Variants in WDR12 observed in about 807,000 individuals in gnomAD.
The protein encoded by WDR12 is WD repeat domain 12, also known as ribosome biogenesis protein WDR12.
A neutral mutation model predicts 64.3 loss-of-function variants in WDR12; 42 were observed. The ratio of observed to expected loss-of-function variants is 0.65; its 90% CI spans 0.51 to 0.84. The LOEUF is 0.84. Ranked by LOEUF, WDR12 falls within the 40% of genes least tolerant of loss-of-function variation. The pLI is 0.00. For missense variants in WDR12, 469 were observed against 494.6 expected (o/e 0.95, Z 0.49); for synonymous variants, 158 against 173.3 (o/e 0.91, Z 0.70).
intron 8 of WDR12, among the ~76,000 whole-genome samples, chr2:202,889,763 A>G (rs1003276162): frequency 8.6e-5 from 13 of 151,784 alleles, no homozygotes; most frequent in Admixed American, 2.0e-4. Flanking sequence ...AAAAAAAAAA[A>G]AATTAGCCAG....
chr2:202,897,390 T>C lies in WDR12; in HGVS notation c.364A>G (p.Thr122Ala). 1.3e-6 allele frequency: 2 copies of C among 1,587,162 alleles called. No homozygotes were observed. The highest frequency in any genetic ancestry group is 1.7e-6 in the Non-Finnish European group (2 of 1,169,514). ...EWILTGSYDKTSRIWSLEGKS... is the reference protein window; with the variant it reads ...EWILTGSYDKASRIWSLEGKS... ...CCTTCCAAGGACCAGATCCGAGAAG[T>C]CTTATCATAAGAACCAGTCAAGATC... Residue 122 changes from threonine to alanine, a missense_variant, in exon 5 of 13, where the codon ACT becomes GCT. Coordinates refer to ENST00000261015, the MANE Select transcript of WDR12 (RefSeq NM_018256.4).
intron 1 of WDR12, among the ~76,000 whole-genome samples, chr2:202,909,782 ATTAT>A (rs368055241): frequency 3.4e-4 from 51 of 150,884 alleles, no homozygotes; most frequent in South Asian, 1.3e-3. Flanking sequence ...CAAGAATTTT[ATTAT>A]TTATTTATTT....
At chr2:202,900,908 T>TA in intron 3 of WDR12, 117 bp downstream of exon 3, 1 of 723,364 alleles carries the variant, frequency 1.4e-6, no homozygotes. Context: ...ATATAGCCAA[T>TA]ATATTAAAAA....
In WDR12 at chr2:202,905,880, T is replaced by A. The variant is rs180725713; in HGVS notation, c.136+1985A>T. Among the ~76,000 whole-genome samples the A allele has an allele frequency of 9.2e-5, 14 of 152,174 alleles. No homozygotes were observed. The South Asian group carries it at 2.9e-3, about 32-fold the overall frequency. On this transcript the variant is annotated intron_variant, in intron 2 of 12. Transcript: ENST00000261015. ...AGTTACCAGACACTGAGAAGGGTAG[T>A]GGGGGAAGTGAGAGGCAAGTGGAAA...
intron 1 of WDR12, among the ~76,000 whole-genome samples, chr2:202,910,902 C>T (rs1688594684): frequency 6.6e-6 from 1 of 152,080 alleles, no homozygotes; most frequent in Admixed American, 6.6e-5. Flanking sequence ...GTTGACTCAG[C>T]CAATCCAAGA....
rs535620509 is a variant in WDR12, at chr2:202,889,744, A to G, written c.741+2873T>C. 1.6e-3 allele frequency among the ~76,000 whole-genome samples: 248 copies of G among 150,934 alleles called. 3 individuals are homozygous for G. Among genetic ancestry groups the G allele is most frequent in the African/African-American group, 5.7e-3 (233 of 41,098 alleles). On this transcript the variant is annotated intron_variant, in intron 8 of 12. Transcript: ENST00000261015. ...AGCCTGGGCAATATAACAAGACCCC[A>G]TCTCTTTAAAAAAAAAAAAAATTAG...
intron 7 of WDR12, among the ~76,000 whole-genome samples, chr2:202,893,239 TATGTA>T (rs1688184386): frequency 6.6e-6 from 1 of 152,124 alleles, no homozygotes. Flanking sequence ...CAACATTAAA[TATGTA>T]ATGTATGTTA....
intron 2 of WDR12, among the ~76,000 whole-genome samples, chr2:202,904,317 A>T (rs1688415238): frequency 6.6e-6 from 1 of 151,926 alleles, no homozygotes; most frequent in Non-Finnish European, 1.5e-5. Flanking sequence ...AATACCAATG[A>T]CATTCTTCAC....
chr2:202,902,038 G>A (rs1688357152), intron 2 of WDR12, among the ~76,000 whole-genome samples: 1 of 152,038 alleles, frequency 6.6e-6, no homozygotes, highest in African/African-American at 2.4e-5. Flanking sequence ...CTAATTATCG[G>A]GATTAACAGC....
At chr2:202,884,613 C>A in intron 8 of WDR12, 78 bp from the exon 9 acceptor site, 1 of 1,439,138 alleles carries the variant, frequency 6.9e-7, no homozygotes, top group Non-Finnish European at 9.3e-7. Context: ...TTATTACTTA[C>A]AAAGCCCACA....
chr2:202,880,775 T>A lies in WDR12; in HGVS notation c.*85A>T. 8.3e-7 allele frequency: 1 copy of A among 1,209,662 alleles called. No individual in the cohort carries two copies. Among genetic ancestry groups the A allele is most frequent in the Non-Finnish European group, 1.2e-6 (1 of 862,722 alleles). 74.9% of individuals were successfully genotyped at this position (1,209,662 alleles called of 1,614,324 possible). A position where few individuals can be genotyped will look rare whatever the true frequency, so the allele number is the denominator to read the frequency against. ...TTATATAAACTTCAAAAGGCTGCTTTCTGCATCTGCATCTATGTAATTTCA... is the reference window on the plus strand; with the variant it reads ...TTATATAAACTTCAAAAGGCTGCTTACTGCATCTGCATCTATGTAATTTCA... On this transcript the variant is annotated 3_prime_UTR_variant, in exon 13 of 13. Coordinates refer to ENST00000261015, the MANE Select transcript of WDR12 (RefSeq NM_018256.4).
Position 202,911,598 on chromosome 2 carries a change from G to A in WDR12, c.-122C>T, listed in dbSNP as rs980317414. The A allele has an allele frequency of 2.0e-5, 18 of 895,248 alleles. No individual in the cohort carries two copies. Among genetic ancestry groups the A allele is most frequent in the African/African-American group, 3.3e-5 (2 of 61,088 alleles). 55.5% of individuals were successfully genotyped at this position (895,248 alleles called of 1,614,324 possible). ...AAATTAGACTGCACAGGTAAGCGAGGAACTGCAGTCTAAGCCTGGACTCTG... is the reference window on the plus strand; with the variant it reads ...AAATTAGACTGCACAGGTAAGCGAGAAACTGCAGTCTAAGCCTGGACTCTG... On this transcript the variant is annotated 5_prime_UTR_variant, in exon 1 of 13. Transcript: ENST00000261015.
chr2:202,901,152 T>G (rs1350601122), intron 2 of WDR12, 33 bp from the exon 3 acceptor site: 1 of 1,534,952 alleles, frequency 6.5e-7, no homozygotes, highest in Non-Finnish European at 8.9e-7. Context: ...TTATCACTCT[T>G]AGTGTCTAAA....
chr2:202,902,445 A>T (rs1688365714), intron 2 of WDR12, among the ~76,000 whole-genome samples: 1 of 152,292 alleles, frequency 6.6e-6, no homozygotes, highest in South Asian at 2.1e-4. Flanking sequence ...GAGACAGTGG[A>T]ATGGAAGAGG....
Position 202,905,969 on chromosome 2 carries a change from CT to C in WDR12, c.136+1895del, listed in dbSNP as rs547918402. On this transcript the variant is annotated intron_variant, in intron 2 of 12. Transcript: ENST00000261015. ...TAAGATCTTGTATTTGATAGCACAA[CT>C]GGATGACTATAGTCAATAATTTAAT... is the stretch of plus-strand genomic sequence containing the variant. Among the ~76,000 whole-genome samples, 488 of 152,246 alleles carry C rather than the reference CT, an allele frequency of 3.2e-3. 4 individuals carry two copies. Among genetic ancestry groups the C allele is most frequent in the African/African-American group, 0.011 (458 of 41,528 alleles).
chr2:202,895,468 T>C (rs1285869506), intron 6 of WDR12, among the ~76,000 whole-genome samples: 1 of 151,884 alleles, frequency 6.6e-6, no homozygotes, highest in African/African-American at 2.4e-5. Flanking sequence ...TCAATTACTA[T>C]GAGGTAAGAA....
At chr2:202,891,122 A>G (rs1368302949) in intron 8 of WDR12, among the ~76,000 whole-genome samples, 1 of 152,082 alleles carries the variant, frequency 6.6e-6, no homozygotes, top group Non-Finnish European at 1.5e-5. Context: ...ATGCATGAAT[A>G]TAAACTCCCA....
At chr2:202,910,774 T>A (rs568899096) in intron 1 of WDR12, among the ~76,000 whole-genome samples, 1 of 152,194 alleles carries the variant, frequency 6.6e-6, no homozygotes, top group African/African-American at 2.4e-5. Context: ...GCTCTCCTCA[T>A]AAAGCTACAA....
chr2:202,895,961 G>A (rs1688234553), intron 6 of WDR12, 104 bp downstream of exon 6: 2 of 1,335,530 alleles, frequency 1.5e-6, no homozygotes, highest in South Asian at 1.5e-5. Context: ...GTCACCGATT[G>A]TTAGGAAACT....
Sources: gnomAD v4.1 joint callset for allele counts (sites outside exome capture counted in the v4.1 genomes callset) on GRCh38, gnomAD v4.1.1 for gene constraint, MANE v1.5 for transcripts, NCBI Gene and HGNC (gene_info 2026-07-23, HGNC 2026-07-21) for gene names.